PITPNM1: variants seen among roughly 807,000 people sequenced by gnomAD.
PITPNM1 encodes the protein phosphatidylinositol transfer protein membrane associated 1.
In PITPNM1, 74 loss-of-function variants were observed where a neutral mutation model predicts 133.3. The ratio of observed to expected loss-of-function variants is 0.56; its 90% CI spans 0.46 to 0.67. The LOEUF (loss-of-function observed/expected upper bound fraction) is 0.67, where lower values mean the gene tolerates loss of function less well. PITPNM1 is among the 30% of genes least tolerant of loss of function. The pLI is 0.00. For missense variants in PITPNM1, 1,398 were observed against 1,739.5 expected (o/e 0.80, Z 3.49); for synonymous variants, 738 against 741.4 (o/e 1.00, Z 0.08).
At position 67,497,919 on chromosome 11, in the gene PITPNM1, T is replaced by C. The variant is rs1404687983; in HGVS notation, c.1780A>G (p.Met594Val). The change falls in exon 12 of 24, where the codon ATG becomes GTG. Residue 594 changes from methionine to valine, a missense_variant and splice_region_variant. Transcript: ENST00000356404. ...AGGCCGGGTTTGGCTATACTGACCA[T>C]GCTCCCACGGCGGCTGCTGCCCCGA... ...GSRGSSRRGSMNNELLSPEFG... is the reference protein window; with the variant it reads ...GSRGSSRRGSVNNELLSPEFG... The C allele has an allele frequency of 6.2e-7, 1 of 1,610,496 alleles. No homozygotes were observed. The highest frequency in any genetic ancestry group is 8.5e-7 in the Non-Finnish European group (1 of 1,179,770).
chr11:67,500,615 C>A (rs140322170), intron 5 of PITPNM1, among the ~76,000 whole-genome samples, 194 bp from the exon 6 acceptor site: 41 of 152,376 alleles, frequency 2.7e-4, no homozygotes, highest in Non-Finnish European at 5.1e-4. Context: ...CTGACTCCCC[C>A]CCGCCCACTG....
intron 16 of PITPNM1, 30 bp downstream of exon 16, chr11:67,495,408 A>G (rs1866086634): frequency 6.8e-7 from 1 of 1,471,082 alleles, no homozygotes; most frequent in East Asian, 2.5e-5. Context: ...CCCCACCCCC[A>G]GGCTGGACTG....
At position 67,492,245 on chromosome 11, in the gene PITPNM1, G is replaced by A. The variant is rs1425045278; in HGVS notation, c.3523C>T (p.His1175Tyr). The change falls in exon 24 of 24, where the codon CAC becomes TAC. Residue 1175 changes from histidine to tyrosine, a missense_variant. His to Tyr is a moderately conservative substitution (Grantham distance 83, BLOSUM62 2). Coordinates refer to ENST00000356404, the MANE Select transcript of PITPNM1 (RefSeq NM_004910.3). ...GGGGGTCCCGAGGAGGCATGCGAGT[G>A]CGAGCCCGCTTCCAGCTGGCCCAGG... ...AHLGQLEAGS[H>Y]SHASSGPPRA... 3 of 1,600,744 alleles carry A rather than the reference G, an allele frequency of 1.9e-6. No individual in the cohort carries two copies. The highest frequency in any genetic ancestry group is 2.2e-5 in the East Asian group (1 of 44,642).
chr11:67,495,810 C>T (rs981781755), intron 15 of PITPNM1, among the ~76,000 whole-genome samples: 3 of 152,254 alleles, frequency 2.0e-5, no homozygotes, highest in Admixed American at 1.3e-4. Flanking sequence ...ACGCTGCACA[C>T]CTGTGCCCAA....
chr11:67,494,265 G>A lies in PITPNM1; in HGVS notation c.2838C>T (p.Val946=). 6.2e-7 allele frequency: 1 copy of A among 1,612,664 alleles called. No individual in the cohort carries two copies. Among genetic ancestry groups the A allele is most frequent in the Non-Finnish European group, 8.5e-7 (1 of 1,179,810 alleles). ...SGRFMYGPLD[V]VTLTGEKVDV... is the part of the protein sequence containing the mutation. ...TGACCTTCTCTCCAGTGAGCGTGAC[G>A]ACGTCCAGGGGCCCGTACATGAAGC... is the stretch of plus-strand genomic sequence containing the variant. The change falls in exon 19 of 24, where the codon GTC becomes GTT. Residue 946 remains valine (V), a synonymous_variant. Transcript: ENST00000356404.
Position 67,502,304 on chromosome 11 carries a change from G to C in PITPNM1, c.403C>G (p.Gln135Glu), listed in dbSNP as rs759326227. Residue 135 changes from glutamine (Q) to glutamate (E), a missense_variant, in exon 4 of 24, where the codon CAG becomes GAG. Gln to Glu is a conservative substitution (Grantham distance 29). This residue lies in a region of PITPNM1 where 274 missense variants were observed against 360.7 expected (regional missense o/e 0.76). Coordinates refer to ENST00000356404, the MANE Select transcript of PITPNM1 (RefSeq NM_004910.3). The surrounding 1 kb of genome is among the most constrained non-coding windows in gnomAD (Gnocchi z 5.9). The part of the protein sequence containing the change: ...VFNLSGAERR[Q>E]RILDTIDIVR... ...CTCCAGGCCTCACCCAGGATGCGCT[G>C]TCTCCTCTCGGCCCCGCTCAGGTTG... 3 of 1,613,256 alleles carry C rather than the reference G, an allele frequency of 1.9e-6. No individual in the cohort carries two copies. In the South Asian group the frequency reaches 3.3e-5, roughly 18 times the overall value.
Position 67,493,501 on chromosome 11 carries a change from T to C in PITPNM1, c.3251A>G (p.Asn1084Ser). 7 of 1,599,476 alleles carry C rather than the reference T, an allele frequency of 4.4e-6. No homozygotes were observed. Among genetic ancestry groups the C allele is most frequent in the Non-Finnish European group, 6.0e-6 (7 of 1,173,722 alleles). The change falls in exon 22 of 24, where the codon AAC becomes AGC. Residue 1084 changes from asparagine to serine, a missense_variant. By Grantham distance (46) the Asn-to-Ser change is conservative. Transcript: ENST00000356404. ...GAAGGAGACGACGCCGTGGGGGAAGTTGTGCTGCGACAGCCATGCCACCAC... is the reference window on the plus strand; with the variant it reads ...GAAGGAGACGACGCCGTGGGGGAAGCTGTGCTGCGACAGCCATGCCACCAC... ...HRVVAWLSQH[N>S]FPHGVVSFCD...
At position 67,503,604 on chromosome 11, in the gene PITPNM1, A is replaced by AG. The variant is rs568441068; in HGVS notation, c.78+498dup. Among the ~76,000 whole-genome samples the AG allele has an allele frequency of 5.3e-5, 8 of 152,202 alleles. No homozygotes were observed. In the South Asian group the frequency reaches 1.7e-3, roughly 32 times the overall value. Reference sequence around the variant, plus strand: ...GGACAGATCTGGAGCAGACTCCCCCAGGCCCCGCACCAACCCGGCCACTGC... The same window carrying AG: ...GGACAGATCTGGAGCAGACTCCCCCAGGGCCCCGCACCAACCCGGCCACTGC... On this transcript the variant is annotated intron_variant, in intron 2 of 23. Coordinates refer to ENST00000356404, the MANE Select transcript of PITPNM1 (RefSeq NM_004910.3).
rs1591067810 is a variant in PITPNM1 at position 67,504,033 on chromosome 11, C to T, written c.78+70G>A. On this transcript the variant is annotated intron_variant, in intron 2 of 23. Transcript: ENST00000356404. The surrounding 1 kb of genome is among the most constrained non-coding windows in gnomAD (Gnocchi z 5.4). Reference sequence around the variant, plus strand: ...TCCGGGCTCCCAGCCGGTCCCAGCCCCGGGGCAGGGCTGGCGGGGTCGGCA... The same window carrying T: ...TCCGGGCTCCCAGCCGGTCCCAGCCTCGGGGCAGGGCTGGCGGGGTCGGCA... 6 of 1,280,996 alleles carry T rather than the reference C, an allele frequency of 4.7e-6. No individual in the cohort carries two copies. In the East Asian group the frequency reaches 1.5e-4, roughly 32 times the overall value. The allele number at this position is 1,280,996 out of a possible 1,614,324, so 79.4% of individuals were successfully genotyped here. A position where few individuals can be genotyped will look rare whatever the true frequency, so the allele number is the denominator to read the frequency against.
At chr11:67,493,879 C>G (rs1472364143) in intron 20 of PITPNM1, 42 bp from the exon 21 acceptor site, 5 of 1,522,382 alleles carry the variant, frequency 3.3e-6, no homozygotes, top group Non-Finnish European at 4.4e-6. Context: ...CGGGGCGAGG[C>G]CTGGCGGAGC....
At position 67,498,165 on chromosome 11, in the gene PITPNM1, G is replaced by A. The variant is rs143726971; in HGVS notation, c.1642C>T (p.Arg548Cys). 6,400 of 1,613,090 alleles carry A rather than the reference G, an allele frequency of 4.0e-3. 20 individuals carry two copies. Among genetic ancestry groups the A allele is most frequent in the Non-Finnish European group, 5.1e-3 (6,018 of 1,179,956 alleles). ...CAGAAGCCGGCACCCTCAGGTGAGC[G>A]CAGGAAGGCTGAGTAGGCCTGGTTG... The part of the protein sequence containing the change: ...RTNQAYSAFL[R>C]SPEGAGFCGQ... The change falls in exon 11 of 24, where the codon CGC becomes TGC. Residue 548 changes from arginine to cysteine, a missense_variant. Arg to Cys is a radical substitution (Grantham distance 180). Around this residue, in one of 5 missense-constraint regions of PITPNM1, gnomAD observed 574 missense variants for 698.7 expected, o/e 0.82. Coordinates refer to ENST00000356404, the MANE Select transcript of PITPNM1 (RefSeq NM_004910.3). The surrounding 1 kb of genome is among the most constrained non-coding windows in gnomAD (Gnocchi z 5.7).
Position 67,498,295 on chromosome 11 carries a change from G to A in PITPNM1, c.1512C>T (p.Asp504=). The change falls in exon 11 of 24, where the codon GAC becomes GAT. Residue 504 remains aspartate, a synonymous_variant. Transcript: ENST00000356404. The surrounding 1 kb of genome is among the most constrained non-coding windows in gnomAD (Gnocchi z 5.7). ...TGTGGTCTTGGGAGCGAGACAGGCT[G>A]TCCCCATCGTGGCTGTAAGGGCTCA... The part of the protein sequence containing the change: ...SNLSPYSHDG[D]SLSRSQDHIP... 6.3e-7 allele frequency: 1 copy of A among 1,594,472 alleles called. No individual in the cohort carries two copies.
In PITPNM1 at chr11:67,493,993, G is replaced by A. The variant is rs779269262; in HGVS notation, c.2937C>T (p.Gly979=). Residue 979 remains glycine, a synonymous_variant, in exon 20 of 24, where the codon GGC becomes GGT. Transcript: ENST00000356404. Reference sequence around the variant, plus strand: ...CTGGGGGAACTGGGAAGGTGAGGCGGCCCGAGCTATTGGTGACTTCGGTGC... The same window carrying A: ...CTGGGGGAACTGGGAAGGTGAGGCGACCCGAGCTATTGGTGACTTCGGTGC... ...HFGTEVTNSS[G]RLTFPVPPER... 3 of 1,612,036 alleles carry A rather than the reference G, an allele frequency of 1.9e-6. No individual in the cohort carries two copies. In the South Asian group the frequency reaches 3.3e-5, roughly 18 times the overall value.
chr11:67,493,235 C>T (rs1428664917), intron 22 of PITPNM1, among the ~76,000 whole-genome samples, 173 bp from the exon 23 acceptor site: 1 of 152,150 alleles, frequency 6.6e-6, no homozygotes, highest in African/African-American at 2.4e-5. Context: ...CCTAGTTGCC[C>T]CTAAGTACAC....
Position 67,494,367 on chromosome 11 carries a change from G to T in PITPNM1, c.2743-7C>A. 1 of 1,590,628 alleles carries T rather than the reference G, an allele frequency of 6.3e-7. No individual in the cohort carries two copies. The highest frequency in any genetic ancestry group is 8.6e-7 in the Non-Finnish European group (1 of 1,167,332). ...GGTGGTTGGAAGTGACGTTCTAGAG[G>T]GAGGAGAGGGCGTGAGTCCGCGGCC... On this transcript the variant is annotated splice_region_variant and splice_polypyrimidine_tract_variant and intron_variant, in intron 18 of 23. Transcript: ENST00000356404.
Position 67,495,474 on chromosome 11 carries a change from G to A in PITPNM1, c.2446C>T (p.Pro816Ser). The stretch of plus-strand genomic sequence containing the variant: ...TCACTGGTGGTGCTGGGGGCGGCTG[G>A]CTGGGCCGGGGGGTCAGTGGCCAAC... ...SELATDPPAQ[P>S]AAPSTTSEVV... The change falls in exon 16 of 24, where the codon CCA becomes TCA. Residue 816 changes from proline to serine, a missense_variant. Transcript: ENST00000356404. The A allele has an allele frequency of 1.3e-6, 2 of 1,553,340 alleles. No individual in the cohort carries two copies. Among genetic ancestry groups the A allele is most frequent in the Non-Finnish European group, 1.7e-6 (2 of 1,149,980 alleles).
At chr11:67,496,452 C>A in intron 14 of PITPNM1, 104 bp from the exon 15 acceptor site, 5 of 1,013,568 alleles carry the variant, frequency 4.9e-6, no homozygotes, top group African/African-American at 3.4e-5. Context: ...GGTGTGACCC[C>A]GAGCCAGCAC....
At chr11:67,497,485 T>C (rs377461389) in intron 13 of PITPNM1, 37 bp downstream of exon 13, 335 of 1,596,672 alleles carry the variant, frequency 2.1e-4, no homozygotes, top group Non-Finnish European at 2.7e-4. Flanking sequence ...TAGTCCATCA[T>C]GTGCCCAGGG....
chr11:67,501,738 C>T (rs1866326501), intron 5 of PITPNM1, 124 bp downstream of exon 5: 1 of 843,198 alleles, frequency 1.2e-6, no homozygotes, highest in African/African-American at 1.7e-5. Flanking sequence ...CTAGTGCTCC[C>T]CACCTCAAAT....
Sources: allele counts gnomAD v4.1 joint callset (sites outside exome capture counted in the v4.1 genomes callset), GRCh38; gene constraint gnomAD v4.1.1; regional missense constraint gnomAD v4.1.1; non-coding constraint Gnocchi (gnomAD v3.1); transcripts MANE v1.5; gene names NCBI Gene and HGNC (gene_info 2026-07-23, HGNC 2026-07-21).